The following SPATA17 variants were observed in gnomAD, a reference collection of about 807,000 sequenced individuals.
The protein encoded by SPATA17 is spermatogenesis-associated protein 17.
SPATA17 carries 53 observed loss-of-function variants against 62.2 expected under a neutral mutation model. That is an observed-to-expected ratio of 0.85 (90% CI 0.68 to 1.07). The LOEUF (loss-of-function observed/expected upper bound fraction) is 1.07. Ranked by LOEUF, SPATA17 falls within the 50% of genes least tolerant of loss-of-function variation. SPATA17 has a pLI of 0.00. For synonymous variants in SPATA17, 146 were observed against 146.8 expected, an observed-to-expected ratio of 0.99 and a Z score of 0.04; for missense variants, 466 against 425.5, an observed-to-expected ratio of 1.10 and a Z score of -0.84.
At chr1:217,640,861 T>C (rs1342367905) in intron 1 of SPATA17, among the ~76,000 whole-genome samples, 1 of 151,974 alleles carries the variant, frequency 6.6e-6, no homozygotes, top group African/African-American at 2.4e-5. Flanking sequence ...TAAAAATACA[T>C]AGAGATACAA....
At chr1:217,767,923 G>C (rs1259974184) in intron 6 of SPATA17, among the ~76,000 whole-genome samples, 1 of 152,132 alleles carries the variant, frequency 6.6e-6, no homozygotes, top group African/African-American at 2.4e-5. Flanking sequence ...AGTATGGCTT[G>C]CTTCAGGCTT....
At chr1:217,730,311 G>A (rs1448758933) in intron 5 of SPATA17, among the ~76,000 whole-genome samples, 1 of 150,758 alleles carries the variant, frequency 6.6e-6, no homozygotes, top group Non-Finnish European at 1.5e-5. Flanking sequence ...TCTGTCTCCC[G>A]GGTTCCAGCA....
intron 5 of SPATA17, among the ~76,000 whole-genome samples, chr1:217,736,150 C>T (rs1245020438): frequency 2.6e-5 from 4 of 151,940 alleles, no homozygotes; most frequent in Non-Finnish European, 4.4e-5. Context: ...ATCTGCAATG[C>T]AAGAAAACAT....
At chr1:217,757,872 A>G (rs1302647512) in intron 6 of SPATA17, among the ~76,000 whole-genome samples, 4 of 152,212 alleles carry the variant, frequency 2.6e-5, no homozygotes, top group African/African-American at 4.8e-5. Context: ...ATGTAGGATC[A>G]TGTAAGGATG....
chr1:217,661,414 C>A (rs920230787), intron 3 of SPATA17, among the ~76,000 whole-genome samples: 4 of 151,984 alleles, frequency 2.6e-5, no homozygotes, highest in Admixed American at 2.6e-4. Flanking sequence ...TCAAAATTCT[C>A]CTATACCCAA....
At chr1:217,797,012 T>C (rs1041174412) in intron 8 of SPATA17, among the ~76,000 whole-genome samples, 1 of 152,166 alleles carries the variant, frequency 6.6e-6, no homozygotes, top group Non-Finnish European at 1.5e-5. Flanking sequence ...GGAGCAAAAT[T>C]ATTCATTATT....
chr1:217,664,519 T>C (rs935909340), intron 3 of SPATA17, among the ~76,000 whole-genome samples: 1 of 151,928 alleles, frequency 6.6e-6, no homozygotes, highest in Non-Finnish European at 1.5e-5. Flanking sequence ...GGTCTCAAAC[T>C]CCTGACCTCC....
At chr1:217,845,987 T>A (rs778633909) in intron 9 of SPATA17, among the ~76,000 whole-genome samples, 1 of 152,108 alleles carries the variant, frequency 6.6e-6, no homozygotes, top group Non-Finnish European at 1.5e-5. Flanking sequence ...GAAGAGGAAA[T>A]TCTTCTGCTA....
intron 9 of SPATA17, among the ~76,000 whole-genome samples, chr1:217,830,560 A>G (rs1675116543): frequency 6.6e-6 from 1 of 152,158 alleles, no homozygotes; most frequent in African/African-American, 2.4e-5. Flanking sequence ...GATATACTTA[A>G]CTGAGTATTT....
At chr1:217,654,051 G>A (rs1670379217) in intron 3 of SPATA17, among the ~76,000 whole-genome samples, 2 of 151,476 alleles carry the variant, frequency 1.3e-5, no homozygotes, top group South Asian at 4.2e-4. Context: ...TTAAACACAA[G>A]TTTTCTTTCT....
chr1:217,782,468 C>T, intron 8 of SPATA17, 146 bp downstream of exon 8: 2 of 893,218 alleles, frequency 2.2e-6, no homozygotes, highest in South Asian at 3.1e-5. Context: ...AATAATTTTT[C>T]AGCATGCAAA....
intron 8 of SPATA17, among the ~76,000 whole-genome samples, chr1:217,796,402 A>T (rs945258322): frequency 2.0e-5 from 3 of 152,176 alleles, no homozygotes; most frequent in Non-Finnish European, 2.9e-5. Context: ...AAATCCAGGG[A>T]AATGTATTCC....
chr1:217,710,134 T>TA (rs906819150), intron 5 of SPATA17, among the ~76,000 whole-genome samples: 11 of 152,068 alleles, frequency 7.2e-5, no homozygotes, highest in African/African-American at 2.2e-4. Context: ...TAGTTAATAG[T>TA]AAAAAAAATT....
rs149436214 is a variant in SPATA17 at position 217,650,036 on chromosome 1, T to G, written c.159-1061T>G. Among the ~76,000 whole-genome samples, 1,490 of 151,278 alleles carry G rather than the reference T, an allele frequency of 9.8e-3. 28 individuals are homozygous for G. The highest frequency in any genetic ancestry group is 0.034 in the African/African-American group (1,416 of 41,200). Reference sequence around the variant, plus strand: ...TTCACCGCAACCTCCGCCTCCCAGATTCAAGCGATTCTCCTGCCTCAGCCT... The same window carrying G: ...TTCACCGCAACCTCCGCCTCCCAGAGTCAAGCGATTCTCCTGCCTCAGCCT... On this transcript the variant is annotated intron_variant, in intron 2 of 10. Transcript: ENST00000366933.
intron 6 of SPATA17, among the ~76,000 whole-genome samples, chr1:217,758,427 G>C (rs1277176139): frequency 6.6e-6 from 1 of 152,144 alleles, no homozygotes; most frequent in Non-Finnish European, 1.5e-5. Context: ...TAAAGATTTA[G>C]TACCTTTAAT....
chr1:217,745,674 G>A (rs35044861), intron 6 of SPATA17, among the ~76,000 whole-genome samples: 69,647 of 151,700 alleles, frequency 0.46, 17,490 homozygotes, highest in Non-Finnish European at 0.58. Context: ...ATTTTTGAGT[G>A]CCTGCCATCT....
At chr1:217,798,562 A>C (rs1674213872) in intron 8 of SPATA17, among the ~76,000 whole-genome samples, 1 of 151,984 alleles carries the variant, frequency 6.6e-6, no homozygotes, top group African/African-American at 2.4e-5. Context: ...AAATGATCAT[A>C]AGGCATGTAA....
At chr1:217,789,017 G>A (rs548713116) in intron 8 of SPATA17, among the ~76,000 whole-genome samples, 46 of 152,118 alleles carry the variant, frequency 3.0e-4, no homozygotes, top group African/African-American at 1.1e-3. Context: ...ACAAGTTTAA[G>A]GTATAGACAT....
intron 8 of SPATA17, among the ~76,000 whole-genome samples, chr1:217,786,220 T>A (rs1018882057): frequency 1.3e-5 from 2 of 152,134 alleles, no homozygotes; most frequent in African/African-American, 2.4e-5. Flanking sequence ...CCTAACAAAA[T>A]TTTTAGTAAC....
Sources: gnomAD v4.1 joint callset for allele counts (sites outside exome capture counted in the v4.1 genomes callset) on GRCh38, gnomAD v4.1.1 for gene constraint, MANE v1.5 for transcripts, NCBI Gene and HGNC (gene_info 2026-07-23, HGNC 2026-07-21) for gene names.